Variants in DPP8 observed in about 807,000 individuals in gnomAD.
DPP8 encodes DPP VIII.
DPP8 carries 31 observed loss-of-function variants against 107.5 expected under a neutral mutation model. The ratio of observed to expected loss-of-function variants is 0.29; its 90% CI spans 0.22 to 0.39. DPP8 has a LOEUF of 0.39. Ranked by LOEUF, DPP8 falls within the 10% of genes least tolerant of loss-of-function variation. DPP8 has a pLI of 1.00. For missense variants in DPP8, 842 were observed against 1,076.1 expected, an observed-to-expected ratio of 0.78 and a Z score of 3.04; for synonymous variants, 381 against 356.6, an observed-to-expected ratio of 1.07 and a Z score of -0.77.
At position 65,505,054 on chromosome 15, in the gene DPP8, C is replaced by T. The variant is rs564351073; in HGVS notation, c.372+2189G>A. On this transcript the variant is annotated intron_variant, in intron 3 of 19. Transcript: ENST00000300141. ...TCAGGAATGACATATCTGGTATCTT[C>T]TTTAAAACTGTCTGAGCAGGGCCGG... Among the ~76,000 whole-genome samples the T allele has an allele frequency of 2.4e-4, 36 of 152,002 alleles. No homozygotes were observed. The East Asian group carries it at 3.9e-3, about 16-fold the overall frequency.
At chr15:65,491,356 C>T (rs1188905062) in intron 5 of DPP8, among the ~76,000 whole-genome samples, 1 of 151,996 alleles carries the variant, frequency 6.6e-6, no homozygotes, top group Non-Finnish European at 1.5e-5. Flanking sequence ...TTAAAAATTG[C>T]TTTATAATTT....
intron 4 of DPP8, 104 bp from the exon 5 acceptor site, chr15:65,498,136 A>G (rs1236169089): frequency 4.1e-5 from 37 of 910,766 alleles, no homozygotes; most frequent in Non-Finnish European, 5.5e-5. Context: ...AATGTCAACA[A>G]TGAGGCCGGG....
At chr15:65,498,667 T>G (rs1222342950) in intron 4 of DPP8, among the ~76,000 whole-genome samples, 3 of 152,140 alleles carry the variant, frequency 2.0e-5, no homozygotes, top group Non-Finnish European at 4.4e-5. Flanking sequence ...CAATATTTTA[T>G]TAAATATTTT....
chr15:65,483,586 CAATAAAATAAAATAAAATAAAATAA>C (rs71139408), intron 8 of DPP8, among the ~76,000 whole-genome samples: 25 of 140,780 alleles, frequency 1.8e-4, no homozygotes, highest in African/African-American at 4.8e-4. Flanking sequence ...TTTCTTCAAA[CAATAAAATAAAATAAAATAAAATAA>C]AATAAAATAA....
intron 11 of DPP8, among the ~76,000 whole-genome samples, chr15:65,478,617 CAAAAGTA>C (rs2066620198): frequency 1.3e-5 from 2 of 151,988 alleles, no homozygotes; most frequent in Admixed American, 6.6e-5. Flanking sequence ...GCAGTCAAGG[CAAAAGTA>C]AAAAGTAAAA....
Position 65,456,375 on chromosome 15 carries a change from A to G in DPP8, c.1972-4T>C. 1 of 1,605,834 alleles carries G rather than the reference A, an allele frequency of 6.2e-7. No homozygotes were observed. The highest frequency in any genetic ancestry group is 8.5e-7 in the Non-Finnish European group (1 of 1,177,694). On this transcript the variant is annotated splice_region_variant and splice_polypyrimidine_tract_variant and intron_variant, in intron 15 of 19. Coordinates refer to ENST00000300141, the MANE Select transcript of DPP8 (RefSeq NM_130434.5). The stretch of plus-strand genomic sequence containing the variant: ...ACCGATTATTCACCAACTGCACCTG[A>G]GGAAGAAACACAACTTCAGTTTATC...
At position 65,497,827 on chromosome 15, in the gene DPP8, C is replaced by T. The variant is rs758846199; in HGVS notation, c.715+37G>A. 1.2e-5 allele frequency: 16 copies of T among 1,375,604 alleles called. No homozygotes were observed. The African/African-American group carries it at 2.2e-4, about 19-fold the overall frequency. 85.2% of individuals were successfully genotyped at this position (1,375,604 alleles called of 1,614,324 possible). On this transcript the variant is annotated intron_variant, in intron 5 of 19. Coordinates refer to ENST00000300141, the MANE Select transcript of DPP8 (RefSeq NM_130434.5). ...GCAGCAAATTATACTTCAAAAAATACTGTTCAGAAAAGTAAATCTGAAGAA... is the reference window on the plus strand; with the variant it reads ...GCAGCAAATTATACTTCAAAAAATATTGTTCAGAAAAGTAAATCTGAAGAA...
intron 1 of DPP8, 31 bp from the exon 2 acceptor site, chr15:65,512,595 CG>C: frequency 6.2e-7 from 1 of 1,609,790 alleles, no homozygotes; most frequent in African/African-American, 1.3e-5. Flanking sequence ...AAGCTGTTCA[CG>C]GGTCTATCTT....
At chr15:65,462,594 T>C (rs538789511) in intron 15 of DPP8, among the ~76,000 whole-genome samples, 1 of 152,182 alleles carries the variant, frequency 6.6e-6, no homozygotes, top group African/African-American at 2.4e-5. Flanking sequence ...AAAATATATA[T>C]ATTTTGGACA....
At chr15:65,516,032 T>C (rs895793721) in intron 1 of DPP8, 2 of 397,814 alleles carry the variant, frequency 5.0e-6, no homozygotes, top group Non-Finnish European at 8.8e-6. Context: ...ATAGCAAACT[T>C]TGGTGTCCAG....
At chr15:65,447,535 GAGT>G (rs2063564673) in intron 19 of DPP8, among the ~76,000 whole-genome samples, 1 of 152,158 alleles carries the variant, frequency 6.6e-6, no homozygotes, top group Admixed American at 6.5e-5. Flanking sequence ...TACAACCTTT[GAGT>G]AGAAGTCTTT....
intron 2 of DPP8, chr15:65,511,998 T>C (rs112126846): frequency 2.0e-6 from 1 of 509,564 alleles, no homozygotes. Flanking sequence ...TATTGTTTGT[T>C]TTCCTAATCA....
chr15:65,496,407 C>G lies in DPP8; in HGVS notation c.715+1457G>C, dbSNP rs567064418. 3.5e-4 allele frequency among the ~76,000 whole-genome samples: 54 copies of G among 152,202 alleles called. 1 individual carries two copies. In the South Asian group the frequency reaches 0.011, roughly 31 times the overall value. On this transcript the variant is annotated intron_variant, in intron 5 of 19. Transcript: ENST00000300141. ...AGACAAAAGAATTTTCAGTCATCAT[C>G]TTCATTATGGTACTTAAACTCTGGT...
At chr15:65,517,389 C>G (rs1236764963) in intron 1 of DPP8, 97 bp downstream of exon 1, 1 of 152,442 alleles carries the variant, frequency 6.6e-6, no homozygotes, top group Non-Finnish European at 1.5e-5. Flanking sequence ...ACCCTGAGAA[C>G]GCGCCGAGCA....
At chr15:65,514,057 C>T (rs915356046) in intron 1 of DPP8, among the ~76,000 whole-genome samples, 1 of 152,162 alleles carries the variant, frequency 6.6e-6, no homozygotes, top group African/African-American at 2.4e-5. Context: ...AATTTGAAGG[C>T]TAACATAAAT....
intron 9 of DPP8, among the ~76,000 whole-genome samples, chr15:65,480,827 T>A (rs1294207657): frequency 6.6e-6 from 1 of 152,168 alleles, no homozygotes; most frequent in Non-Finnish European, 1.5e-5. Context: ...CCAAGTGCAG[T>A]GGTTCACACC....
At chr15:65,515,917 T>A in intron 1 of DPP8, 1 of 522,256 alleles carries the variant, frequency 1.9e-6, no homozygotes, top group Non-Finnish European at 3.4e-6. Flanking sequence ...TGGGGCAATA[T>A]ATAATGCCTA....
intron 1 of DPP8, chr15:65,516,910 G>C (rs183955612): frequency 7.2e-5 from 11 of 152,794 alleles, no homozygotes; most frequent in Non-Finnish European, 1.2e-4. Flanking sequence ...GGAATGCCAA[G>C]TCTTAGAAGA....
chr15:65,480,293 G>A lies in DPP8; in HGVS notation c.1225C>T (p.Leu409Phe). 1.2e-6 allele frequency: 2 copies of A among 1,613,896 alleles called. No homozygotes were observed. The highest frequency in any genetic ancestry group is 1.7e-6 in the Non-Finnish European group (2 of 1,179,964). ...ACAGAATCAGGCACTGACTCAATGAGTCTCTGCCTTTCCATAACATCATCT... is the reference window on the plus strand; with the variant it reads ...ACAGAATCAGGCACTGACTCAATGAATCTCTGCCTTTCCATAACATCATCT... ...VEDDVMERQR[L>F]IESVPDSVTP... The change falls in exon 10 of 20, where the codon CTC becomes TTC. Residue 409 changes from leucine (L) to phenylalanine (F), a missense_variant. Physicochemically the swap from Leu to Phe is conservative, Grantham distance 22. Transcript: ENST00000300141.
Sources: gnomAD v4.1 joint callset for allele counts (sites outside exome capture counted in the v4.1 genomes callset) on GRCh38, gnomAD v4.1.1 for gene constraint, MANE v1.5 for transcripts, NCBI Gene and HGNC (gene_info 2026-07-23, HGNC 2026-07-21) for gene names.